The following SLC12A6 variants were observed in gnomAD, a reference collection of about 807,000 sequenced individuals.
The protein encoded by SLC12A6 is K-Cl cotransporter 3.
Under a neutral mutation model 135.3 loss-of-function variants are expected in SLC12A6, and 66 were observed. The ratio of observed to expected loss-of-function variants is 0.49; its 90% CI spans 0.40 to 0.60. SLC12A6 has a LOEUF of 0.60. Among genes scored for constraint, SLC12A6 ranks in the 20% least tolerant of loss-of-function variants. The pLI, the probability that SLC12A6 is intolerant of heterozygous loss-of-function variation, is 0.00. For missense variants in SLC12A6, 1,058 were observed against 1,452.3 expected (o/e 0.73, Z 4.41); for synonymous variants, 513 against 508.8 (o/e 1.01, Z -0.11).
intron 21 of SLC12A6, 134 bp from the exon 22 acceptor site, chr15:34,237,684 C>T (rs1423239825): frequency 1.5e-5 from 11 of 714,416 alleles, no homozygotes; most frequent in Non-Finnish European, 2.0e-5. Context: ...TAGCTTCCTA[C>T]TTGCTATGTT....
chr15:34,334,401 T>C (rs571166394), intron 2 of SLC12A6, among the ~76,000 whole-genome samples: 15 of 152,316 alleles, frequency 9.8e-5, no homozygotes, highest in African/African-American at 3.6e-4. Flanking sequence ...TTAGGCCCTT[T>C]TCTTCACAAC....
At position 34,239,128 on chromosome 15, in the gene SLC12A6, T is replaced by C. The variant is rs1316835586; in HGVS notation, c.2469A>G (p.Val823=). The C allele has an allele frequency of 6.2e-7, 1 of 1,613,980 alleles. No homozygotes were observed. The highest frequency in any genetic ancestry group is 8.5e-7 in the Non-Finnish European group (1 of 1,179,834). ...TIKHLMEAEK[V]KGFCQLVVAA... Reference sequence around the variant, plus strand: ...CCACCACCAGCTGGCAGAATCCTTTTACCTTCTCTGCCTCCATTAGGTGCT... The same window carrying C: ...CCACCACCAGCTGGCAGAATCCTTTCACCTTCTCTGCCTCCATTAGGTGCT... Residue 823 remains valine, a synonymous_variant, in exon 20 of 26, where the codon GTA becomes GTG. Transcript: ENST00000354181.
intron 2 of SLC12A6, among the ~76,000 whole-genome samples, chr15:34,310,425 G>A (rs1167004151): frequency 1.2e-4 from 16 of 131,684 alleles, no homozygotes; most frequent in African/African-American, 3.3e-4. Flanking sequence ...GTGTGTGTGT[G>A]TGTGTGTGTG....
chr15:34,326,998 A>C (rs541122967), intron 2 of SLC12A6, among the ~76,000 whole-genome samples: 38 of 151,850 alleles, frequency 2.5e-4, no homozygotes, highest in African/African-American at 8.9e-4. Context: ...TAATGACAAA[A>C]ATTCTGGTCT....
rs747539451 is a variant in SLC12A6 at position 34,320,493 on chromosome 15, AG to A, written c.271+15916del. Among the ~76,000 whole-genome samples the A allele has an allele frequency of 1.1e-3, 162 of 152,220 alleles. 1 individual carries two copies. Among genetic ancestry groups the A allele is most frequent in the African/African-American group, 3.1e-3 (130 of 41,548 alleles). ...GTTGTTACCAGAGGCTAGGAAGGGTAGGGGGGAAGGAGGATTAAAGAGGAAA... is the reference window on the plus strand; with the variant it reads ...GTTGTTACCAGAGGCTAGGAAGGGTAGGGGGAAGGAGGATTAAAGAGGAAA... On this transcript the variant is annotated intron_variant, in intron 2 of 25. Coordinates refer to ENST00000354181, the MANE Select transcript of SLC12A6 (RefSeq NM_001365088.1).
chr15:34,269,347 CT>C (rs1433207620), intron 3 of SLC12A6, among the ~76,000 whole-genome samples: 1 of 151,768 alleles, frequency 6.6e-6, no homozygotes, highest in Non-Finnish European at 1.5e-5. Context: ...AGGTCTTACT[CT>C]TTATATAAAC....
intron 23 of SLC12A6, among the ~76,000 whole-genome samples, chr15:34,236,431 C>T (rs539833092): frequency 4.6e-5 from 7 of 152,184 alleles, no homozygotes; most frequent in African/African-American, 1.2e-4. Context: ...CTGCAACCTC[C>T]GCCTCCTGGG....
At chr15:34,298,260 A>G (rs1484910112) in intron 2 of SLC12A6, among the ~76,000 whole-genome samples, 1 of 152,100 alleles carries the variant, frequency 6.6e-6, no homozygotes, top group African/African-American at 2.4e-5. Flanking sequence ...GTGGATCACA[A>G]GGTCAGGAGT....
intron 2 of SLC12A6, among the ~76,000 whole-genome samples, chr15:34,332,481 T>C (rs150915449): frequency 0.012 from 1,802 of 152,172 alleles, 14 homozygotes; most frequent in Middle Eastern, 0.037. Flanking sequence ...TTATAAAAGG[T>C]TGAAATGTAT....
chr15:34,270,238 C>T (rs1467659508), intron 3 of SLC12A6, among the ~76,000 whole-genome samples: 3 of 151,572 alleles, frequency 2.0e-5, no homozygotes, highest in Admixed American at 6.6e-5. Context: ...CAGGTGTGTG[C>T]CACCATGCCA....
chr15:34,323,645 C>T (rs532186448), intron 2 of SLC12A6, among the ~76,000 whole-genome samples: 1 of 152,244 alleles, frequency 6.6e-6, no homozygotes, highest in South Asian at 2.1e-4. Context: ...AGGTTGGGGA[C>T]TGCTGATTTA....
At chr15:34,255,210 C>A (rs1246346903) in intron 8 of SLC12A6, 52 bp downstream of exon 8, 4 of 1,386,154 alleles carry the variant, frequency 2.9e-6, no homozygotes, top group Non-Finnish European at 4.1e-6. Flanking sequence ...AAAGAATAAA[C>A]CTAAATCAAT....
In SLC12A6 at chr15:34,331,509, T is replaced by A. The variant is rs558147357; in HGVS notation, c.271+4901A>T. On this transcript the variant is annotated intron_variant, in intron 2 of 25. Transcript: ENST00000354181. The stretch of plus-strand genomic sequence containing the variant: ...GCCAGATGAAGTAGCACTACTCTCG[T>A]ACATACATTAATATGCCTTTATCAG... Among the ~76,000 whole-genome samples, 10 of 152,338 alleles carry A rather than the reference T, an allele frequency of 6.6e-5. No individual in the cohort carries two copies. The East Asian group carries it at 1.7e-3, about 26-fold the overall frequency.
chr15:34,311,493 A>T (rs913380738), intron 2 of SLC12A6, among the ~76,000 whole-genome samples: 35 of 152,220 alleles, frequency 2.3e-4, no homozygotes, highest in Admixed American at 1.0e-3. Context: ...TCACATCAAA[A>T]TCTGTGGCTC....
chr15:34,257,409 T>C (rs566643671), intron 6 of SLC12A6, among the ~76,000 whole-genome samples: 3 of 152,246 alleles, frequency 2.0e-5, no homozygotes, highest in East Asian at 3.8e-4. Flanking sequence ...CCATTTTCAG[T>C]TGAAGTCTTG....
At position 34,327,808 on chromosome 15, in the gene SLC12A6, CTCTT is replaced by C. The variant is rs775184112; in HGVS notation, c.271+8598_271+8601del. On this transcript the variant is annotated intron_variant, in intron 2 of 25. Coordinates refer to ENST00000354181, the MANE Select transcript of SLC12A6 (RefSeq NM_001365088.1). ...TTAACTTATTAGTGTTCTCTCTTCT[CTCTT>C]TTTTTAAACTAGCAATATGAAAAAT... is the stretch of plus-strand genomic sequence containing the variant. 1.2e-3 allele frequency among the ~76,000 whole-genome samples: 182 copies of C among 152,216 alleles called. 2 individuals are homozygous for C. Among genetic ancestry groups the C allele is most frequent in the African/African-American group, 4.1e-3 (169 of 41,510 alleles).
intron 2 of SLC12A6, among the ~76,000 whole-genome samples, chr15:34,282,921 T>C (rs1272237546): frequency 6.6e-6 from 1 of 152,232 alleles, no homozygotes. Context: ...ACTTCATTCG[T>C]TCAACCATTC....
chr15:34,313,922 T>C (rs922208935), intron 2 of SLC12A6, among the ~76,000 whole-genome samples: 2 of 142,182 alleles, frequency 1.4e-5, no homozygotes, highest in Non-Finnish European at 3.0e-5. Context: ...CTGGGCAACA[T>C]AGTGAGACTC....
intron 2 of SLC12A6, among the ~76,000 whole-genome samples, chr15:34,282,501 C>G (rs1894755324): frequency 6.6e-6 from 1 of 152,164 alleles, no homozygotes. Flanking sequence ...GTCTGTAATT[C>G]TAGCTACTCA....
Sources: allele counts gnomAD v4.1 joint callset (sites outside exome capture counted in the v4.1 genomes callset), GRCh38; gene constraint gnomAD v4.1.1; transcripts MANE v1.5; gene names NCBI Gene and HGNC (gene_info 2026-07-23, HGNC 2026-07-21).